Variants in ZNF705G observed in about 807,000 individuals in gnomAD.
ZNF705G encodes the protein zinc finger protein 705G, also known as putative zinc finger protein 705G.
In ZNF705G, 23 loss-of-function variants were observed where a neutral mutation model predicts 19.6. The observed-to-expected ratio is 1.17, with a 90% CI of 0.84 to 1.66. The LOEUF (loss-of-function observed/expected upper bound fraction) is 1.66, where lower values mean the gene tolerates loss of function less well. Among genes scored for constraint, ZNF705G ranks in the 40% most tolerant of loss-of-function variants. The pLI, the probability that ZNF705G is intolerant of heterozygous loss-of-function variation, is 0.00. For missense variants in ZNF705G, 457 were observed against 354.4 expected (o/e 1.29, Z -2.32); for synonymous variants, 146 against 117.7 (o/e 1.24, Z -1.56).
chr8:7,368,479 T>A (rs1369850976), intron 2 of ZNF705G, among the ~76,000 whole-genome samples: 1 of 149,452 alleles, frequency 6.7e-6, no homozygotes, highest in Non-Finnish European at 1.5e-5. Context: ...TATAAAAAGT[T>A]TCAATGTTCA....
At chr8:7,378,793 G>T (rs1311290144) in intron 2 of ZNF705G, among the ~76,000 whole-genome samples, 1 of 145,964 alleles carries the variant, frequency 6.9e-6, no homozygotes, top group African/African-American at 2.8e-5. Context: ...GGCCCACCTG[G>T]ATAATCTAAG....
intron 2 of ZNF705G, among the ~76,000 whole-genome samples, chr8:7,379,653 G>T (rs1807401627): frequency 6.8e-6 from 1 of 147,252 alleles, no homozygotes; most frequent in South Asian, 2.1e-4. Flanking sequence ...AGGCTCTCCA[G>T]TGTGGTGAAA....
At position 7,360,391 on chromosome 8, in the gene ZNF705G, C is replaced by G. The variant is rs1585409086; in HGVS notation, c.140-59G>C. 8 of 1,580,834 alleles carry G rather than the reference C, an allele frequency of 5.1e-6. No individual in the cohort carries two copies. In the East Asian group the frequency reaches 1.8e-4, roughly 35 times the overall value. ...CACTGTCAATAAATGTGCATTATCA[C>G]CAAGTGTAATGCAGGCTATCAAGGA... On this transcript the variant is annotated intron_variant, in intron 4 of 6. Coordinates refer to ENST00000400156, the MANE Select transcript of ZNF705G (RefSeq NM_001164457.3).
intron 5 of ZNF705G, 113 bp from the exon 6 acceptor site, chr8:7,359,814 G>C (rs534322559): frequency 1.3e-6 from 2 of 1,493,712 alleles, no homozygotes; most frequent in Admixed American, 1.7e-5. Flanking sequence ...TGTGGCAAGT[G>C]TGTCAAATGA....
chr8:7,363,438 C>G lies in ZNF705G; in HGVS notation c.-71-421G>C, dbSNP rs1366636768. Among the ~76,000 whole-genome samples the G allele has an allele frequency of 7.4e-5, 11 of 148,834 alleles. 1 individual carries two copies. Among genetic ancestry groups the G allele is most frequent in the Admixed American group, 6.6e-5 (1 of 15,206 alleles). ...CTAGCAACGTTTCTCCAACACCCAC[C>G]ACAGCCTTCTGAAGCCTTACTCCAC... On this transcript the variant is annotated intron_variant, in intron 2 of 6. Coordinates refer to ENST00000400156, the MANE Select transcript of ZNF705G (RefSeq NM_001164457.3).
Position 7,357,569 on chromosome 8 carries a change from G to A in ZNF705G, c.*407C>T, listed in dbSNP as rs1806331160. On this transcript the variant is annotated 3_prime_UTR_variant, in exon 7 of 7. Transcript: ENST00000400156. ...TTATAGCTGTTGCTGAAGACTTTTA[G>A]TTGATTATATTGACAGTTTCAGCTC... 3.8e-6 allele frequency: 1 copy of A among 264,742 alleles called. No homozygotes were observed. Among genetic ancestry groups the A allele is most frequent in the Non-Finnish European group, 6.9e-6 (1 of 145,096 alleles). 16.4% of individuals were successfully genotyped at this position (264,742 alleles called of 1,614,324 possible). A position where few individuals can be genotyped will look rare whatever the true frequency, so the allele number is the denominator to read the frequency against.
chr8:7,379,201 A>G (rs1475041407), intron 2 of ZNF705G, among the ~76,000 whole-genome samples: 4 of 147,992 alleles, frequency 2.7e-5, no homozygotes, highest in South Asian at 2.1e-4. Flanking sequence ...CACATGGACT[A>G]CTCGAAATCT....
At chr8:7,360,096 T>A (rs3989702) in intron 5 of ZNF705G, 141 bp downstream of exon 5, 20,641 of 1,056,340 alleles carry the variant, frequency 0.02, 396 homozygotes, top group Middle Eastern at 0.048. Flanking sequence ...GATAATAACA[T>A]CTAAGGAATT....
At chr8:7,364,765 T>A (rs1280650115) in intron 2 of ZNF705G, among the ~76,000 whole-genome samples, 1 of 149,458 alleles carries the variant, frequency 6.7e-6, no homozygotes, top group African/African-American at 2.6e-5. Context: ...ATTTTCTACA[T>A]CTGTTCATCA....
intron 2 of ZNF705G, among the ~76,000 whole-genome samples, chr8:7,366,413 G>A (rs951426869): frequency 1.3e-5 from 2 of 149,180 alleles, no homozygotes; most frequent in African/African-American, 2.6e-5. Flanking sequence ...CAGGAGAGAG[G>A]AAAAATCTCA....
rs199704021 is a variant in ZNF705G, at chr8:7,368,341, G to A, written c.-71-5324C>T. On this transcript the variant is annotated intron_variant, in intron 2 of 6. Coordinates refer to ENST00000400156, the MANE Select transcript of ZNF705G (RefSeq NM_001164457.3). The stretch of plus-strand genomic sequence containing the variant: ...ATAAGTACTTTTGAGTGTATTATAT[G>A]TACTAGAAAGCATTCGCAGTCAAGG... 1.3e-3 allele frequency among the ~76,000 whole-genome samples: 187 copies of A among 149,522 alleles called. 20 individuals are homozygous for A. The highest frequency in any genetic ancestry group is 4.4e-3 in the African/African-American group (170 of 38,976).
intron 2 of ZNF705G, among the ~76,000 whole-genome samples, chr8:7,363,529 T>A (rs1220020558): frequency 4.0e-5 from 6 of 149,770 alleles, no homozygotes; most frequent in Admixed American, 3.9e-4. Flanking sequence ...CAAGTAAGAA[T>A]CTGTTTTAGG....
Position 7,356,974 on chromosome 8 carries a change from C to T in ZNF705G, c.*1002G>A, listed in dbSNP as rs1235179151. The T allele has an allele frequency of 1.1e-4, 16 of 149,900 alleles. No individual in the cohort carries two copies. Among genetic ancestry groups the T allele is most frequent in the Middle Eastern group, 6.9e-3 (2 of 290 alleles). 9.3% of individuals were successfully genotyped at this position (149,900 alleles called of 1,614,324 possible). ...TTTCTCAAATTTCTGAATTATTTTG[C>T]TAAAGTATGTGTTAAGAGTTTTTTC... On this transcript the variant is annotated 3_prime_UTR_variant, in exon 7 of 7. Transcript: ENST00000400156.
At position 7,370,336 on chromosome 8, in the gene ZNF705G, C is replaced by A. The variant is rs1329859354; in HGVS notation, c.-71-7319G>T. Among the ~76,000 whole-genome samples the A allele has an allele frequency of 5.4e-5, 8 of 147,562 alleles. No homozygotes were observed. In the South Asian group the frequency reaches 1.1e-3, roughly 20 times the overall value. On this transcript the variant is annotated intron_variant, in intron 2 of 6. Transcript: ENST00000400156. Reference sequence around the variant, plus strand: ...CAGAAGAACAGATACAAATGGCCAACAAATATATGAAAAAAATTCTTACCA... The same window carrying A: ...CAGAAGAACAGATACAAATGGCCAAAAAATATATGAAAAAAATTCTTACCA...
chr8:7,364,572 C>T (rs1415644564), intron 2 of ZNF705G, among the ~76,000 whole-genome samples: 1 of 149,472 alleles, frequency 6.7e-6, no homozygotes. Flanking sequence ...CGTGTCGCTG[C>T]CTCTTCTTGC....
In ZNF705G at chr8:7,359,601, C is replaced by T. The variant is rs1422874846; in HGVS notation, c.318+18G>A. 6.2e-7 allele frequency: 1 copy of T among 1,605,362 alleles called. No individual in the cohort carries two copies. The highest frequency in any genetic ancestry group is 8.5e-7 in the Non-Finnish European group (1 of 1,178,938). On this transcript the variant is annotated intron_variant, in intron 6 of 6. Transcript: ENST00000400156. Reference sequence around the variant, plus strand: ...GTCTTTAACTTAGATGACTGGTGTACACAGCTATAAAACTTACCATTGTCA... The same window carrying T: ...GTCTTTAACTTAGATGACTGGTGTATACAGCTATAAAACTTACCATTGTCA...
rs764044350 is a variant in ZNF705G at position 7,357,929 on chromosome 8, C to T, written c.*47G>A. On this transcript the variant is annotated 3_prime_UTR_variant, in exon 7 of 7. Transcript: ENST00000400156. Reference sequence around the variant, plus strand: ...AGTACATTGTCTGAAGGCTTTCCCACATAAATGGCATTCATATGGCTTTTC... The same window carrying T: ...AGTACATTGTCTGAAGGCTTTCCCATATAAATGGCATTCATATGGCTTTTC... 5 of 1,605,210 alleles carry T rather than the reference C, an allele frequency of 3.1e-6. No individual in the cohort carries two copies. The highest frequency in any genetic ancestry group is 4.5e-5 in the East Asian group (2 of 44,846).
chr8:7,377,909 C>G (rs1233691011), intron 2 of ZNF705G, among the ~76,000 whole-genome samples: 1 of 86,894 alleles, frequency 1.2e-5, no homozygotes, highest in Non-Finnish European at 2.1e-5. Context: ...AGCCGAGATC[C>G]CAACACTGCA....
In ZNF705G at chr8:7,385,126, T is replaced by G. The variant is rs932221672; in HGVS notation, c.-222+372A>C. On this transcript the variant is annotated intron_variant, in intron 1 of 6. Transcript: ENST00000400156. Reference sequence around the variant, plus strand: ...TTCAGAGAATGAACAGGGTCGTGCATAAAAGGTTGTCTGAATTGCACTTCC... The same window carrying G: ...TTCAGAGAATGAACAGGGTCGTGCAGAAAAGGTTGTCTGAATTGCACTTCC... Among the ~76,000 whole-genome samples the G allele has an allele frequency of 6.1e-5, 9 of 147,994 alleles. 1 individual carries two copies. Among genetic ancestry groups the G allele is most frequent in the African/African-American group, 2.4e-4 (9 of 37,514 alleles).
Sources: allele counts gnomAD v4.1 joint callset (sites outside exome capture counted in the v4.1 genomes callset), GRCh38; gene constraint gnomAD v4.1.1; transcripts MANE v1.5; gene names NCBI Gene and HGNC (gene_info 2026-07-23, HGNC 2026-07-21).